ZRANB3: variants seen among roughly 807,000 people sequenced by gnomAD.
ZRANB3 encodes the protein DNA annealing helicase and endonuclease ZRANB3.
ZRANB3 carries 125 observed loss-of-function variants against 133.8 expected under a neutral mutation model. The ratio of observed to expected loss-of-function variants is 0.93; its 90% CI spans 0.81 to 1.08. The LOEUF is 1.08. Among genes scored for constraint, ZRANB3 ranks in the 50% least tolerant of loss-of-function variants. The pLI is 0.00. For synonymous variants in ZRANB3, 387 were observed against 432.7 expected (o/e 0.89, Z 1.31); for missense variants, 1,229 against 1,275.5 (o/e 0.96, Z 0.56).
chr2:135,275,645 G>A lies in ZRANB3; in HGVS notation c.1077C>T (p.Ile359=), dbSNP rs750026512. 33 of 1,579,064 alleles carry A rather than the reference G, an allele frequency of 2.1e-5. No homozygotes were observed. The highest frequency in any genetic ancestry group is 1.7e-4 in the Admixed American group (9 of 53,556). Residue 359 remains isoleucine (I), a synonymous_variant, in exon 9 of 21, where the codon ATC becomes ATT. Transcript: ENST00000264159. ...SMLQACTEAV[I]ENKTRYIRID... ...AAAAATGGCAACATACCTTATTTTC[G>A]ATGACTGCTTCTGTGCAAGCTTGGA...
rs1448944289 is a variant in ZRANB3 at position 135,207,697 on chromosome 2, G to C, written c.2746C>G (p.Gln916Glu). 6.2e-7 allele frequency: 1 copy of C among 1,614,008 alleles called. No homozygotes were observed. Among genetic ancestry groups the C allele is most frequent in the South Asian group, 1.1e-5 (1 of 91,074 alleles). ...NEGNPLCLRC[Q>E]QPTCQTKQAC... Reference sequence around the variant, plus strand: ...TGCTTAGTCTGGCAAGTGGGTTGCTGACAGCGAAGGCAAAGTGGATTTCCT... The same window carrying C: ...TGCTTAGTCTGGCAAGTGGGTTGCTCACAGCGAAGGCAAAGTGGATTTCCT... Residue 916 changes from glutamine to glutamate, a missense_variant, in exon 19 of 21, where the codon CAG (glutamine) becomes GAG (glutamate). By Grantham distance (29) the Gln-to-Glu change is conservative (BLOSUM62 2). Coordinates refer to ENST00000264159, the MANE Select transcript of ZRANB3 (RefSeq NM_032143.4).
intron 2 of ZRANB3, among the ~76,000 whole-genome samples, chr2:135,428,113 T>C (rs1689171622): frequency 6.6e-6 from 1 of 152,070 alleles, no homozygotes; most frequent in East Asian, 1.9e-4. Context: ...GAAGAAAATC[T>C]AGGAAATACA....
intron 2 of ZRANB3, among the ~76,000 whole-genome samples, chr2:135,405,697 G>T (rs560719237): frequency 1.3e-5 from 2 of 152,132 alleles, no homozygotes; most frequent in Admixed American, 1.3e-4. Context: ...CATGGAAACT[G>T]AACAACCTGC....
intron 8 of ZRANB3, 81 bp downstream of exon 8, chr2:135,313,408 A>G: frequency 1.1e-6 from 1 of 942,272 alleles, no homozygotes; most frequent in South Asian, 1.9e-5. Context: ...CAATATATAA[A>G]TAACTTGCTT....
At chr2:135,416,056 G>A (rs1477366138) in intron 2 of ZRANB3, among the ~76,000 whole-genome samples, 3 of 152,052 alleles carry the variant, frequency 2.0e-5, no homozygotes, top group African/African-American at 7.3e-5. Flanking sequence ...ACAAGACAGG[G>A]ATGCCCTCGC....
At chr2:135,271,704 T>C in intron 10 of ZRANB3, 64 bp downstream of exon 10, 1 of 1,530,834 alleles carries the variant, frequency 6.5e-7, no homozygotes, top group South Asian at 1.3e-5. Context: ...AAAGTTATAG[T>C]GAATGGCCTT....
chr2:135,436,461 C>T (rs1236092787), intron 2 of ZRANB3, among the ~76,000 whole-genome samples: 2 of 152,148 alleles, frequency 1.3e-5, no homozygotes, highest in Non-Finnish European at 2.9e-5. Context: ...CATTCCCATA[C>T]ACCAACAACA....
At chr2:135,362,178 G>T (rs1685723768) in intron 3 of ZRANB3, among the ~76,000 whole-genome samples, 1 of 147,980 alleles carries the variant, frequency 6.8e-6, no homozygotes, top group Admixed American at 6.8e-5. Context: ...AGCCTGGGCA[G>T]CAGAGCAAGA....
intron 19 of ZRANB3, among the ~76,000 whole-genome samples, chr2:135,204,650 A>T (rs138301568): frequency 0.022 from 3,146 of 141,734 alleles, 60 homozygotes; most frequent in Middle Eastern, 0.08. Flanking sequence ...AAAAAAAAAA[A>T]ATATATATAT....
intron 2 of ZRANB3, among the ~76,000 whole-genome samples, chr2:135,444,973 G>A (rs1237214927): frequency 6.6e-6 from 1 of 152,132 alleles, no homozygotes; most frequent in Non-Finnish European, 1.5e-5. Context: ...CTCCGTAAGT[G>A]TAATTTTGGT....
chr2:135,351,764 G>T (rs1685218888), intron 4 of ZRANB3, among the ~76,000 whole-genome samples: 1 of 152,114 alleles, frequency 6.6e-6, no homozygotes, highest in Admixed American at 6.5e-5. Flanking sequence ...ATATGTATTT[G>T]TGGTGGACAT....
intron 12 of ZRANB3, among the ~76,000 whole-genome samples, chr2:135,259,101 A>G (rs1252475044): frequency 6.6e-6 from 1 of 151,970 alleles, no homozygotes; most frequent in East Asian, 1.9e-4. Flanking sequence ...ACAGTGGTGC[A>G]ATCATCCTCC....
At chr2:135,499,447 G>C (rs112898935) in intron 2 of ZRANB3, among the ~76,000 whole-genome samples, 5 of 151,946 alleles carry the variant, frequency 3.3e-5, no homozygotes, top group Admixed American at 1.3e-4. Flanking sequence ...AAATATACCT[G>C]ATAAAAGACT....
chr2:135,515,401 G>C (rs1574239145), intron 1 of ZRANB3, among the ~76,000 whole-genome samples: 1 of 152,094 alleles, frequency 6.6e-6, no homozygotes, highest in African/African-American at 2.4e-5. Flanking sequence ...GATCTTTCCT[G>C]CTTTCTCCTG....
chr2:135,490,568 G>A (rs551646814), intron 2 of ZRANB3, among the ~76,000 whole-genome samples: 75 of 152,238 alleles, frequency 4.9e-4, no homozygotes, highest in African/African-American at 1.7e-3. Context: ...CAGTACAGCT[G>A]CCATGGAAAC....
intron 2 of ZRANB3, among the ~76,000 whole-genome samples, chr2:135,479,196 A>G (rs1691645950): frequency 1.3e-5 from 2 of 152,118 alleles, no homozygotes; most frequent in Admixed American, 6.6e-5. Context: ...TCCAACAGAA[A>G]TTAATACATA....
intron 3 of ZRANB3, among the ~76,000 whole-genome samples, chr2:135,386,682 G>A (rs543323136): frequency 2.0e-5 from 3 of 152,300 alleles, no homozygotes; most frequent in Admixed American, 6.5e-5. Flanking sequence ...ATAAGTTCGT[G>A]TCCTTTGCAG....
chr2:135,498,764 C>G (rs181827751), intron 2 of ZRANB3, among the ~76,000 whole-genome samples: 1 of 152,136 alleles, frequency 6.6e-6, no homozygotes, highest in East Asian at 1.9e-4. Flanking sequence ...GCTTTGGGAA[C>G]ATCTATCTTT....
rs755687130 is a variant in ZRANB3 at position 135,202,841 on chromosome 2, A to G, written c.3132T>C (p.Cys1044=). 4 of 1,608,012 alleles carry G rather than the reference A, an allele frequency of 2.5e-6. No individual in the cohort carries two copies. Among genetic ancestry groups the G allele is most frequent in the Non-Finnish European group, 3.4e-6 (4 of 1,177,076 alleles). ...TGAGAGCTTCACTGACCTCTTTGTG[A>G]CAGACTGTGCAGAGAGTCTGCAGGT... The part of the protein sequence containing the change: ...LDNLQTLCTV[C]HKERTARQAK... Residue 1044 remains cysteine, a synonymous_variant, in exon 20 of 21, where the codon TGT becomes TGC. Coordinates refer to ENST00000264159, the MANE Select transcript of ZRANB3 (RefSeq NM_032143.4).
Sources: allele counts gnomAD v4.1 joint callset (sites outside exome capture counted in the v4.1 genomes callset), GRCh38; gene constraint gnomAD v4.1.1; transcripts MANE v1.5; gene names NCBI Gene and HGNC (gene_info 2026-07-23, HGNC 2026-07-21).